PREP: variants seen among roughly 807,000 people sequenced by gnomAD.
The protein encoded by PREP is dJ355L5.1 (prolyl endopeptidase).
PREP carries 29 observed loss-of-function variants against 87.6 expected under a neutral mutation model. The observed-to-expected ratio is 0.33, with a 90% confidence interval of 0.25 to 0.45. The LOEUF is 0.45. Among genes scored for constraint, PREP ranks in the 20% least tolerant of loss-of-function variants. PREP has a pLI of 1.00. For missense variants in PREP, 695 were observed against 886.5 expected (o/e 0.78, Z 2.74); for synonymous variants, 337 against 328.6 (o/e 1.03, Z -0.28).
chr6:105,325,714 A>G (rs1182117665), intron 9 of PREP, among the ~76,000 whole-genome samples: 3 of 152,228 alleles, frequency 2.0e-5, no homozygotes, highest in African/African-American at 7.2e-5. Context: ...CTATAATCTA[A>G]TGATGCTTTG....
chr6:105,362,886 C>G (rs1772290929), intron 6 of PREP, among the ~76,000 whole-genome samples: 1 of 152,154 alleles, frequency 6.6e-6, no homozygotes, highest in Admixed American at 6.5e-5. Context: ...GGACCCCCCA[C>G]CAGGAACACC....
At chr6:105,290,793 T>C (rs1313262281) in intron 10 of PREP, among the ~76,000 whole-genome samples, 1 of 152,180 alleles carries the variant, frequency 6.6e-6, no homozygotes, top group African/African-American at 2.4e-5. Flanking sequence ...CAGAAATATA[T>C]CCAAGCTTTA....
intron 10 of PREP, among the ~76,000 whole-genome samples, chr6:105,300,064 C>G (rs994934980): frequency 6.6e-6 from 1 of 152,052 alleles, no homozygotes; most frequent in Non-Finnish European, 1.5e-5. Context: ...ACCCGGGTAA[C>G]TTTGGTATTT....
At position 105,355,194 on chromosome 6, in the gene PREP, T is replaced by C. The variant is rs554723968; in HGVS notation, c.718-2117A>G. Among the ~76,000 whole-genome samples the C allele has an allele frequency of 2.0e-5, 3 of 151,060 alleles. No homozygotes were observed. In the South Asian group the frequency reaches 6.4e-4, roughly 32 times the overall value. The stretch of plus-strand genomic sequence containing the variant: ...TCTGCCTCCTGGGTTCCAGCAATTC[T>C]CCTGCCTCAGCCTCCCGAGTAGCTG... On this transcript the variant is annotated intron_variant, in intron 6 of 14. Transcript: ENST00000652536.
At position 105,285,534 on chromosome 6, in the gene PREP, C is replaced by A. The variant is rs1405074511; in HGVS notation, c.1501G>T (p.Val501Leu). The A allele has an allele frequency of 6.2e-7, 1 of 1,614,120 alleles. No homozygotes were observed. Among genetic ancestry groups the A allele is most frequent in the Admixed American group, 1.7e-5 (1 of 60,020 alleles). The change falls in exon 12 of 15, where the codon GTG becomes TTG. Residue 501 changes from valine to leucine, a missense_variant. Around this residue, in one of 5 missense-constraint regions of PREP, gnomAD observed 517 missense variants for 620.3 expected, o/e 0.83. Transcript: ENST00000652536. The stretch of plus-strand genomic sequence containing the variant: ...TCGCCACCTCCTCTGATGTTGGCCA[C>A]TGCCAGGATACCACCCATGTGTCTC... ...FVRHMGGILAVANIRGGGEYG... is the reference protein window; with the variant it reads ...FVRHMGGILALANIRGGGEYG...
At chr6:105,281,720 A>T in intron 14 of PREP, 26 bp downstream of exon 14, 1 of 1,607,806 alleles carries the variant, frequency 6.2e-7, no homozygotes, top group Non-Finnish European at 8.5e-7. Context: ...ACCACTAACA[A>T]CATATATATG....
rs67107334 is a variant in PREP, at chr6:105,397,185, C to CAAAAAA, written c.120+662_120+667dup. On this transcript the variant is annotated intron_variant, in intron 2 of 14. Coordinates refer to ENST00000652536, the MANE Select transcript of PREP (RefSeq NM_002726.5). ...GGGTGACAGAGTAAGACTCTGTCTA[C>CAAAAAA]AAAAAAAAAAAAAAAAAGTATACAT... Among the ~76,000 whole-genome samples the CAAAAAA allele has an allele frequency of 4.4e-4, 38 of 86,856 alleles. 1 individual carries two copies. Among genetic ancestry groups the CAAAAAA allele is most frequent in the African/African-American group, 1.0e-3 (28 of 27,038 alleles). 57.0% of individuals were successfully genotyped at this position (86,856 alleles called of 152,430 possible). A position where few individuals can be genotyped will look rare whatever the true frequency, so the allele number is the denominator to read the frequency against.
chr6:105,310,649 T>A (rs907105010), intron 10 of PREP, among the ~76,000 whole-genome samples: 2 of 152,162 alleles, frequency 1.3e-5, no homozygotes, highest in Non-Finnish European at 2.9e-5. Context: ...TTGCTAGCTC[T>A]TCCTCCTTCA....
At chr6:105,287,980 A>G (rs1770220907) in intron 11 of PREP, among the ~76,000 whole-genome samples, 1 of 152,374 alleles carries the variant, frequency 6.6e-6, no homozygotes, top group South Asian at 2.1e-4. Context: ...ATAGTCTAAA[A>G]TAGATGATGT....
In PREP at chr6:105,297,445, G is replaced by A. The variant is rs1050830684; in HGVS notation, c.1318-8551C>T. Among the ~76,000 whole-genome samples the A allele has an allele frequency of 2.6e-5, 4 of 152,202 alleles. No homozygotes were observed. In the South Asian group the frequency reaches 6.2e-4, roughly 24 times the overall value. ...GACAGTTGCCAAAGCTTAAATGCAC[G>A]TGTTGTTTCTTTACTTGGTAGTTTA... On this transcript the variant is annotated intron_variant, in intron 10 of 14. Transcript: ENST00000652536.
chr6:105,388,688 T>C (rs1185761853), intron 2 of PREP, among the ~76,000 whole-genome samples: 8 of 152,236 alleles, frequency 5.3e-5, no homozygotes, highest in Non-Finnish European at 1.5e-5. Context: ...GTAACACGTT[T>C]AAGACCTTAG....
At chr6:105,338,571 A>T (rs1562205817) in intron 7 of PREP, among the ~76,000 whole-genome samples, 1 of 152,224 alleles carries the variant, frequency 6.6e-6, no homozygotes, top group Non-Finnish European at 1.5e-5. Flanking sequence ...ATTGAGCATG[A>T]GCCGAAGCAG....
chr6:105,373,171 AAAAC>A (rs1772600288), intron 5 of PREP, among the ~76,000 whole-genome samples, 194 bp downstream of exon 5: 4 of 152,228 alleles, frequency 2.6e-5, no homozygotes, highest in African/African-American at 9.6e-5. Context: ...GCTCATAGCA[AAAAC>A]AAATGTTTAT....
At chr6:105,329,067 A>T (rs751417588) in intron 8 of PREP, 41 bp from the exon 9 acceptor site, 1 of 1,543,876 alleles carries the variant, frequency 6.5e-7, no homozygotes, top group South Asian at 1.1e-5. Flanking sequence ...GCAATTTAAA[A>T]AATTAATGAA....
rs1426954405 is a variant in PREP, at chr6:105,402,959, C to A, written c.-68G>T. On this transcript the variant is annotated 5_prime_UTR_variant, in exon 1 of 15. Coordinates refer to ENST00000652536, the MANE Select transcript of PREP (RefSeq NM_002726.5). ...CGGGAGCGGACCTGAGCTAGCCGGG[C>A]TGGCCGCGAGGCGCGGCTGGGGCGC... is the stretch of plus-strand genomic sequence containing the variant. The A allele has an allele frequency of 1.6e-5, 15 of 959,444 alleles. No homozygotes were observed. The highest frequency in any genetic ancestry group is 2.1e-5 in the Non-Finnish European group (15 of 709,990). The allele number at this position is 959,444 out of a possible 1,614,324, so 59.4% of individuals were successfully genotyped here.
chr6:105,390,107 T>C (rs1773102021), intron 2 of PREP, among the ~76,000 whole-genome samples: 3 of 152,168 alleles, frequency 2.0e-5, no homozygotes, highest in Non-Finnish European at 4.4e-5. Context: ...GAAACAGTAC[T>C]GAGACAGGCG....
intron 7 of PREP, among the ~76,000 whole-genome samples, chr6:105,340,827 C>G (rs940910184): frequency 6.6e-6 from 1 of 152,172 alleles, no homozygotes; most frequent in Admixed American, 6.5e-5. Flanking sequence ...ATCAATTCAA[C>G]AAGAAGAGCT....
At chr6:105,300,564 C>G (rs1040584343) in intron 10 of PREP, among the ~76,000 whole-genome samples, 2 of 151,844 alleles carry the variant, frequency 1.3e-5, no homozygotes, top group Non-Finnish European at 2.9e-5. Context: ...AAACCATATT[C>G]TAAGAATAAT....
intron 7 of PREP, among the ~76,000 whole-genome samples, chr6:105,334,713 TCAA>T (rs573991003): frequency 2.1e-4 from 31 of 149,936 alleles, no homozygotes; most frequent in African/African-American, 6.2e-4. Flanking sequence ...AGACTCTGTC[TCAA>T]CAACAACAAC....
Sources: allele counts gnomAD v4.1 joint callset (sites outside exome capture counted in the v4.1 genomes callset), GRCh38; gene constraint gnomAD v4.1.1; regional missense constraint gnomAD v4.1.1; transcripts MANE v1.5; gene names NCBI Gene and HGNC (gene_info 2026-07-23, HGNC 2026-07-21).